Variants in LHFPL3 observed in about 807,000 individuals in gnomAD.
LHFPL3 encodes LHFPL tetraspan subfamily member 3.
LHFPL3 carries 5 observed loss-of-function variants against 19.3 expected under a neutral mutation model. That is an observed-to-expected ratio of 0.26 (90% CI 0.14 to 0.54). LHFPL3 has a LOEUF of 0.54. Ranked by LOEUF, LHFPL3 falls within the 20% of genes least tolerant of loss-of-function variation. The pLI is 0.94. For synonymous variants in LHFPL3, 133 were observed against 126.2 expected (o/e 1.05, Z -0.36); for missense variants, 249 against 307.4 (o/e 0.81, Z 1.42).
intron 1 of LHFPL3, among the ~76,000 whole-genome samples, chr7:104,426,094 G>T (rs1791838868): frequency 6.6e-6 from 1 of 152,154 alleles, no homozygotes; most frequent in African/African-American, 2.4e-5. Context: ...GATGCAGTGG[G>T]ACATGACATT....
At chr7:104,584,484 A>G (rs1316716147) in intron 1 of LHFPL3, among the ~76,000 whole-genome samples, 1 of 152,140 alleles carries the variant, frequency 6.6e-6, no homozygotes, top group African/African-American at 2.4e-5. Context: ...TAAAAAAAGA[A>G]AATAGAGATT....
chr7:104,329,322 C>G, intron 1 of LHFPL3, 98 bp downstream of exon 1: 4 of 1,430,780 alleles, frequency 2.8e-6, no homozygotes, highest in Non-Finnish European at 2.8e-6. Flanking sequence ...CGCGCCGCTG[C>G]GAGCCAAGCC....
At chr7:104,660,233 C>T (rs1162581041) in intron 1 of LHFPL3, among the ~76,000 whole-genome samples, 1 of 152,186 alleles carries the variant, frequency 6.6e-6, no homozygotes, top group Non-Finnish European at 1.5e-5. Context: ...GATCTCCTGA[C>T]CTCATGGTCC....
In LHFPL3 at chr7:104,493,737, A is replaced by G. The variant is rs958067247; in HGVS notation, c.445+164513A>G. Among the ~76,000 whole-genome samples, 68 of 151,644 alleles carry G rather than the reference A, an allele frequency of 4.5e-4. 1 individual carries two copies. Among genetic ancestry groups the G allele is most frequent in the African/African-American group, 1.6e-3 (66 of 41,304 alleles). On this transcript the variant is annotated intron_variant, in intron 1 of 2. Coordinates refer to ENST00000424859, the MANE Select transcript of LHFPL3 (RefSeq NM_199000.3). ...TTTTTTTTGCTTTGTTCTCACAAAC[A>G]CTATCTGAATTCAAGCCCTCCTTAC...
intron 1 of LHFPL3, among the ~76,000 whole-genome samples, chr7:104,525,165 C>T (rs1434352948): frequency 6.6e-6 from 1 of 152,152 alleles, no homozygotes; most frequent in Non-Finnish European, 1.5e-5. Context: ...CAATATGCTG[C>T]TCACTGTTTT....
In LHFPL3 at chr7:104,522,822, A is replaced by G. The variant is rs148623529; in HGVS notation, c.445+193598A>G. 3.0e-3 allele frequency among the ~76,000 whole-genome samples: 452 copies of G among 152,210 alleles called. 6 individuals carry two copies. The highest frequency in any genetic ancestry group is 9.7e-3 in the African/African-American group (405 of 41,544). ...GGCCTTGAAACAGGGTAAGACTTTG[A>G]AAAAAGAAGGAGAGATCAGCAGGAC... On this transcript the variant is annotated intron_variant, in intron 1 of 2. Transcript: ENST00000424859.
At chr7:104,711,440 A>G (rs568233737) in intron 1 of LHFPL3, among the ~76,000 whole-genome samples, 1 of 152,300 alleles carries the variant, frequency 6.6e-6, no homozygotes, top group African/African-American at 2.4e-5. Context: ...CAGTAGCCCA[A>G]ATGATTCCAA....
chr7:104,472,940 G>A (rs1792939507), intron 1 of LHFPL3, among the ~76,000 whole-genome samples: 1 of 152,082 alleles, frequency 6.6e-6, no homozygotes, highest in Admixed American at 6.5e-5. Context: ...AATTTCATGT[G>A]ACATTACAGA....
chr7:104,585,422 C>A (rs1484480533), intron 1 of LHFPL3, among the ~76,000 whole-genome samples: 1 of 150,370 alleles, frequency 6.7e-6, no homozygotes, highest in East Asian at 2.0e-4. Context: ...CAGCCACTTT[C>A]TTTGACTATA....
At chr7:104,375,993 G>A (rs543263255) in intron 1 of LHFPL3, among the ~76,000 whole-genome samples, 9 of 152,332 alleles carry the variant, frequency 5.9e-5, no homozygotes, top group African/African-American at 2.2e-4. Flanking sequence ...TACTAAATCT[G>A]ATCTATAGGG....
chr7:104,693,815 T>A (rs1792950545), intron 1 of LHFPL3, among the ~76,000 whole-genome samples: 1 of 151,348 alleles, frequency 6.6e-6, no homozygotes, highest in Admixed American at 6.6e-5. Context: ...GTATTTTTAG[T>A]AGAGATGGGG....
At chr7:104,358,252 A>G (rs1790322193) in intron 1 of LHFPL3, among the ~76,000 whole-genome samples, 1 of 152,206 alleles carries the variant, frequency 6.6e-6, no homozygotes, top group Non-Finnish European at 1.5e-5. Flanking sequence ...AATATTGTGA[A>G]TGCACTTAAT....
intron 2 of LHFPL3, among the ~76,000 whole-genome samples, chr7:104,887,685 A>T (rs1222914133): frequency 2.0e-5 from 3 of 152,252 alleles, no homozygotes; most frequent in Non-Finnish European, 2.9e-5. Context: ...CCTAAGGGGA[A>T]AGTGGCAGAG....
intron 1 of LHFPL3, among the ~76,000 whole-genome samples, chr7:104,430,392 A>G (rs868059782): frequency 2.3e-4 from 13 of 56,560 alleles, no homozygotes; most frequent in Non-Finnish European, 2.9e-4. Flanking sequence ...ACATATATAT[A>G]TATATATATA....
At chr7:104,589,078 C>T (rs1468709405) in intron 1 of LHFPL3, among the ~76,000 whole-genome samples, 2 of 151,364 alleles carry the variant, frequency 1.3e-5, no homozygotes, top group Non-Finnish European at 2.9e-5. Flanking sequence ...TTGACTTCCT[C>T]TTTTCCTAAT....
chr7:104,497,556 G>T (rs1362643743), intron 1 of LHFPL3, among the ~76,000 whole-genome samples: 2 of 151,770 alleles, frequency 1.3e-5, no homozygotes, highest in Non-Finnish European at 2.9e-5. Flanking sequence ...ATGCATTTTG[G>T]GGGTGAAATC....
At chr7:104,531,317 T>A (rs1229627181) in intron 1 of LHFPL3, among the ~76,000 whole-genome samples, 1 of 152,202 alleles carries the variant, frequency 6.6e-6, no homozygotes, top group Non-Finnish European at 1.5e-5. Context: ...TAAGCAGCTC[T>A]GGCAAGCTAA....
chr7:104,904,774 A>G (rs974211350), intron 2 of LHFPL3, among the ~76,000 whole-genome samples: 28 of 152,156 alleles, frequency 1.8e-4, no homozygotes, highest in African/African-American at 6.5e-4. Context: ...TATTTACCCA[A>G]CTTCCCAATA....
intron 1 of LHFPL3, among the ~76,000 whole-genome samples, chr7:104,362,687 C>G (rs2188491): frequency 0.64 from 96,858 of 152,110 alleles, 31,701 homozygotes; most frequent in East Asian, 0.87. Flanking sequence ...ATACTGTACA[C>G]CCAGCTAAAT....
Sources: allele counts gnomAD v4.1 joint callset (sites outside exome capture counted in the v4.1 genomes callset), GRCh38; gene constraint gnomAD v4.1.1; transcripts MANE v1.5; gene names NCBI Gene and HGNC (gene_info 2026-07-23, HGNC 2026-07-21).